The following KYAT3 variants were observed in gnomAD, a reference collection of about 807,000 sequenced individuals.
KYAT3 encodes kynurenine aminotransferase 3, also known as kynurenine--oxoglutarate transaminase 3.
Under a neutral mutation model 59.0 loss-of-function variants are expected in KYAT3, and 50 were observed. The ratio of observed to expected loss-of-function variants is 0.85; its 90% CI spans 0.68 to 1.07. The LOEUF is 1.07. KYAT3 is among the 50% of genes least tolerant of loss of function. The pLI is 0.00. For synonymous variants in KYAT3, 148 were observed against 177.0 expected (o/e 0.84, Z 1.30); for missense variants, 497 against 533.3 (o/e 0.93, Z 0.67).
At chr1:88,955,357 C>A in intron 8 of KYAT3, 132 bp from the exon 9 acceptor site, 1 of 566,372 alleles carries the variant, frequency 1.8e-6, no homozygotes, top group Non-Finnish European at 3.0e-6. Flanking sequence ...ATAGTTATTT[C>A]TAGTTTTTTT....
In KYAT3 at chr1:88,968,760, G is replaced by A. The variant is rs148194806; in HGVS notation, c.213C>T (p.Gly71=). ...ATGTAGGAGGGGATATATCTGGAAAGCCTTGGCCAAGATTCACAACAGAAG... is the reference window on the plus strand; with the variant it reads ...ATGTAGGAGGGGATATATCTGGAAAACCTTGGCCAAGATTCACAACAGAAG... The part of the protein sequence containing the change: ...ADPSVVNLGQ[G]FPDISPPTYV... Residue 71 remains glycine (G), a synonymous_variant, in exon 4 of 14, where the codon GGC becomes GGT. Transcript: ENST00000260508. 1 of 1,597,348 alleles carries A rather than the reference G, an allele frequency of 6.3e-7. No homozygotes were observed. Among genetic ancestry groups the A allele is most frequent in the East Asian group, 2.2e-5 (1 of 44,450 alleles).
Position 88,992,095 on chromosome 1 carries a change from C to G in KYAT3, c.-2+490G>C, listed in dbSNP as rs1279584443. ...CCGGGTTCACGCCATTTTCCTGCCT[C>G]AGCCTCCCGAGTAGCTGGGACTACA... On this transcript the variant is annotated intron_variant, in intron 1 of 13. Coordinates refer to ENST00000260508, the MANE Select transcript of KYAT3 (RefSeq NM_001008661.3). 8.6e-5 allele frequency among the ~76,000 whole-genome samples: 13 copies of G among 151,764 alleles called. No homozygotes were observed. In the East Asian group the frequency reaches 2.3e-3, roughly 27 times the overall value.
chr1:88,962,205 G>T, intron 5 of KYAT3, 60 bp from the exon 6 acceptor site: 1 of 1,217,400 alleles, frequency 8.2e-7, no homozygotes, highest in Non-Finnish European at 1.2e-6. Flanking sequence ...TAATAATACT[G>T]TGTACCTACT....
At chr1:88,963,760 T>C (rs748964932) in intron 5 of KYAT3, among the ~76,000 whole-genome samples, 5 of 152,232 alleles carry the variant, frequency 3.3e-5, no homozygotes, top group Non-Finnish European at 7.3e-5. Flanking sequence ...CTCAGTATTT[T>C]CTGAATAAAT....
At chr1:88,925,023 A>G in the KYAT3 span, among the ~76,000 whole-genome samples, 1 of 152,238 alleles carries the variant, frequency 6.6e-6, no homozygotes, top group Non-Finnish European at 1.5e-5. Context: ...CAAGGACCCC[A>G]GGTAACATTT....
chr1:88,977,050 C>T (rs10922532), intron 2 of KYAT3, among the ~76,000 whole-genome samples: 45,307 of 151,832 alleles, frequency 0.3, 7,528 homozygotes, highest in Admixed American at 0.4. Flanking sequence ...AGTCTCACTT[C>T]GTTGCCCAGG....
intron 2 of KYAT3, among the ~76,000 whole-genome samples, chr1:88,986,765 T>A (rs1375207966): frequency 6.6e-6 from 1 of 152,202 alleles, no homozygotes; most frequent in Non-Finnish European, 1.5e-5. Context: ...TCTAAGTAAG[T>A]TCACAGTAAC....
chr1:88,948,230 AC>A (rs1431510515), intron 11 of KYAT3, among the ~76,000 whole-genome samples: 1 of 152,226 alleles, frequency 6.6e-6, no homozygotes, highest in Non-Finnish European at 1.5e-5. Flanking sequence ...CCAGCTTTAT[AC>A]AATTTAGTAT....
intron 5 of KYAT3, among the ~76,000 whole-genome samples, chr1:88,962,481 C>T (rs372689099): frequency 3.2e-4 from 49 of 152,078 alleles, no homozygotes; most frequent in African/African-American, 1.1e-3. Flanking sequence ...CCAGGCAAAA[C>T]GATTAAGCAT....
At chr1:88,943,493 A>G in intron 11 of KYAT3, 70 bp from the exon 12 acceptor site, 2 of 810,608 alleles carry the variant, frequency 2.5e-6, no homozygotes, top group Non-Finnish European at 4.1e-6. Context: ...ATTTAAGTCT[A>G]TCAAGATTCA....
chr1:88,961,461 C>T lies in KYAT3; in HGVS notation c.586G>A (p.Asp196Asn). ...KRWSSSDWTL[D>N]PQELESKFNS... ...AATTTACTTTCCAGTTCTTGAGGAT[C>T]TAATGTCCAGTCAGAACTAGACCAT... The change falls in exon 7 of 14, where the codon GAT (aspartate) becomes AAT (asparagine). Residue 196 changes from aspartate (D) to asparagine (N), a missense_variant. Transcript: ENST00000260508. 1.2e-6 allele frequency: 2 copies of T among 1,613,464 alleles called. No homozygotes were observed. Among genetic ancestry groups the T allele is most frequent in the South Asian group, 1.1e-5 (1 of 91,064 alleles).
chr1:88,951,432 G>A (rs1675667190), intron 10 of KYAT3, among the ~76,000 whole-genome samples: 1 of 151,764 alleles, frequency 6.6e-6, no homozygotes. Context: ...ACAGGGTTTT[G>A]CCATGTTGGC....
At chr1:88,943,252 A>G in intron 12 of KYAT3, 98 bp downstream of exon 12, 1 of 987,972 alleles carries the variant, frequency 1.0e-6, no homozygotes, top group Non-Finnish European at 1.6e-6. Context: ...ATCATATAAC[A>G]ACATTACATT....
At chr1:88,964,721 A>G (rs1676272920) in intron 5 of KYAT3, 108 bp downstream of exon 5, 2 of 882,236 alleles carry the variant, frequency 2.3e-6, no homozygotes, top group East Asian at 5.4e-5. Context: ...TACTTAAAAC[A>G]TAATTAAAAA....
intron 2 of KYAT3, among the ~76,000 whole-genome samples, 188 bp from the exon 3 acceptor site, chr1:88,969,655 CT>C (rs34051025): frequency 2.9e-3 from 424 of 145,992 alleles, no homozygotes; most frequent in Middle Eastern, 3.6e-3. Context: ...GAAGGAATGC[CT>C]TTTTTTTTTT....
chr1:88,973,064 TAAA>T (rs1676619801), intron 2 of KYAT3, among the ~76,000 whole-genome samples: 1 of 152,258 alleles, frequency 6.6e-6, no homozygotes, highest in Admixed American at 6.5e-5. Flanking sequence ...GGTGGTCTTA[TAAA>T]AAGGTGAGAT....
chr1:88,945,372 AC>A (rs1675400432), intron 11 of KYAT3, among the ~76,000 whole-genome samples: 1 of 152,182 alleles, frequency 6.6e-6, no homozygotes, highest in Non-Finnish European at 1.5e-5. Flanking sequence ...TTGCATTCTT[AC>A]TATCTCCTCC....
At chr1:88,960,454 GA>G (rs1043174063) in intron 8 of KYAT3, among the ~76,000 whole-genome samples, 3 of 151,976 alleles carry the variant, frequency 2.0e-5, no homozygotes, top group African/African-American at 7.3e-5. Flanking sequence ...TACTATAGAG[GA>G]AAAAACAAAA....
chr1:88,943,312 A>T (rs1466088428), intron 12 of KYAT3, 38 bp downstream of exon 12: 1 of 1,269,004 alleles, frequency 7.9e-7, no homozygotes. Context: ...ATTAACTATA[A>T]AATATAACAG....
Sources: allele counts gnomAD v4.1 joint callset (sites outside exome capture counted in the v4.1 genomes callset), GRCh38; gene constraint gnomAD v4.1.1; transcripts MANE v1.5; gene names NCBI Gene and HGNC (gene_info 2026-07-23, HGNC 2026-07-21).